The following DAB1 variants were observed in gnomAD, a reference collection of about 807,000 sequenced individuals.
The protein encoded by DAB1 is DAB adaptor protein 1, also known as disabled homolog 1.
Under a neutral mutation model 64.6 loss-of-function variants are expected in DAB1, and 15 were observed. The observed-to-expected ratio is 0.23, with a 90% CI of 0.16 to 0.36. The LOEUF (loss-of-function observed/expected upper bound fraction) is 0.36. Among genes scored for constraint, DAB1 ranks in the 10% least tolerant of loss-of-function variants. The pLI is 1.00. For missense variants in DAB1, 596 were observed against 706.7 expected, an observed-to-expected ratio of 0.84 and a Z score of 1.78; for synonymous variants, 235 against 251.9, an observed-to-expected ratio of 0.93 and a Z score of 0.64.
chr1:58,381,207 C>G (rs898813028), intron 3 of DAB1, among the ~76,000 whole-genome samples: 2 of 151,906 alleles, frequency 1.3e-5, no homozygotes, highest in East Asian at 3.9e-4. Context: ...GGCTTAATAC[C>G]CAGGTGATGG....
chr1:58,339,698 A>C (rs540925160), intron 4 of DAB1, among the ~76,000 whole-genome samples: 24 of 152,242 alleles, frequency 1.6e-4, no homozygotes, highest in African/African-American at 5.5e-4. Flanking sequence ...TATCTCAGTT[A>C]ATTTTAACCT....
At chr1:57,424,467 G>T (rs1190676543), upstream of DAB1, among the ~76,000 whole-genome samples, 1 of 152,134 alleles carries the variant, frequency 6.6e-6, no homozygotes, top group Non-Finnish European at 1.5e-5. Context: ...CGCCCCAGCC[G>T]CGCCAGCGTG....
intron 5 of DAB1, among the ~76,000 whole-genome samples, chr1:58,008,720 A>C (rs1646624360): frequency 1.3e-5 from 2 of 152,186 alleles, no homozygotes; most frequent in South Asian, 4.1e-4. Context: ...CACCTATGAA[A>C]GACTTAGAGA....
chr1:57,266,124 C>T (rs1039059866), intron 2 of DAB1, among the ~76,000 whole-genome samples: 4 of 152,232 alleles, frequency 2.6e-5, no homozygotes, highest in Non-Finnish European at 2.9e-5. Context: ...AGGGAAGAAC[C>T]GCACTGAGGG....
At chr1:57,743,234 A>G (rs148119515) in intron 6 of DAB1, among the ~76,000 whole-genome samples, 18,060 of 152,226 alleles carry the variant, frequency 0.12, 1,405 homozygotes, top group East Asian at 0.41. Context: ...AGAAGTAAAA[A>G]TAGCCTTAAC....
chr1:58,282,605 T>A (rs142072050), intron 4 of DAB1, among the ~76,000 whole-genome samples: 2 of 147,914 alleles, frequency 1.4e-5, no homozygotes. Context: ...GCCTTTGTTC[T>A]AAAAAAAAAA....
At chr1:57,347,265 A>G (rs991091598) in intron 1 of DAB1, among the ~76,000 whole-genome samples, 3 of 152,200 alleles carry the variant, frequency 2.0e-5, no homozygotes, top group African/African-American at 7.2e-5. Context: ...CTCATCTGCA[A>G]TCTTCAGCTT....
chr1:57,949,880 T>C (rs980170257), intron 5 of DAB1, among the ~76,000 whole-genome samples: 2 of 152,174 alleles, frequency 1.3e-5, no homozygotes, highest in African/African-American at 4.8e-5. Context: ...ACTGGGGTTG[T>C]CCCTTTTAAA....
In DAB1 at chr1:58,373,163, T is replaced by C. The variant is rs531858997; in HGVS notation, n.258-29760A>G. ...TTTCTAACCAAAGCATCCAGCTTACTATTTTCTTTTTTTTTTTTTTAATTA... is the reference window on the plus strand; with the variant it reads ...TTTCTAACCAAAGCATCCAGCTTACCATTTTCTTTTTTTTTTTTTTAATTA... On this transcript the variant is annotated intron_variant and non_coding_transcript_variant, in intron 3 of 20. Coordinates refer to the DAB1 transcript ENST00000485760. Among the ~76,000 whole-genome samples the C allele has an allele frequency of 1.5e-3, 218 of 148,800 alleles. 1 individual carries two copies. The highest frequency in any genetic ancestry group is 5.2e-3 in the African/African-American group (210 of 40,070).
At chr1:57,206,063 A>G (rs1665511545) in intron 2 of DAB1, among the ~76,000 whole-genome samples, 1 of 152,250 alleles carries the variant, frequency 6.6e-6, no homozygotes, top group Non-Finnish European at 1.5e-5. Context: ...GCCCTGCAAA[A>G]GTGCTTATAT....
At chr1:57,513,904 G>T (rs971725218) in intron 7 of DAB1, among the ~76,000 whole-genome samples, 67 of 149,478 alleles carry the variant, frequency 4.5e-4, no homozygotes, top group African/African-American at 1.7e-3. Context: ...GCTTCTAAAA[G>T]TTCCACTTTT....
At chr1:58,202,921 T>C (rs1254758393) in intron 4 of DAB1, among the ~76,000 whole-genome samples, 1 of 152,192 alleles carries the variant, frequency 6.6e-6, no homozygotes, top group African/African-American at 2.4e-5. Flanking sequence ...ACCAATTGCT[T>C]AGTGCCACAT....
chr1:57,995,824 GA>G (rs1024751136), intron 5 of DAB1, among the ~76,000 whole-genome samples: 49 of 141,734 alleles, frequency 3.5e-4, no homozygotes, highest in East Asian at 6.1e-4. Context: ...AGGTTTCTCA[GA>G]AAAAAAAAAA....
intron 7 of DAB1, among the ~76,000 whole-genome samples, chr1:57,638,072 TATAAAA>T (rs777138131): frequency 6.6e-6 from 1 of 152,118 alleles, no homozygotes; most frequent in Non-Finnish European, 1.5e-5. Context: ...TAAAATGAAA[TATAAAA>T]ATGCATAATG....
At chr1:57,591,491 A>G (rs1371321201) in intron 7 of DAB1, among the ~76,000 whole-genome samples, 1 of 152,204 alleles carries the variant, frequency 6.6e-6, no homozygotes, top group Non-Finnish European at 1.5e-5. Context: ...AGGGAAGTTG[A>G]CATTCTGACT....
chr1:57,607,893 G>A (rs1306594511), intron 7 of DAB1, among the ~76,000 whole-genome samples: 1 of 152,156 alleles, frequency 6.6e-6, no homozygotes. Context: ...GAGTGGAGTA[G>A]ATTCAGCTGA....
At chr1:57,708,507 G>A (rs1178550023) in intron 6 of DAB1, among the ~76,000 whole-genome samples, 2 of 152,216 alleles carry the variant, frequency 1.3e-5, no homozygotes, top group Admixed American at 6.5e-5. Flanking sequence ...CAAAGCAGCA[G>A]GGCTTGCCCT....
intron 5 of DAB1, chr1:58,049,033 CTG>C (rs989427585): frequency 3.1e-5 from 24 of 786,790 alleles, no homozygotes; most frequent in Non-Finnish European, 4.8e-5. Context: ...AGACAGCTCT[CTG>C]TTTCCACAAC....
intron 5 of DAB1, among the ~76,000 whole-genome samples, chr1:58,043,254 T>A (rs1308270145): frequency 6.6e-6 from 1 of 152,180 alleles, no homozygotes; most frequent in East Asian, 1.9e-4. Flanking sequence ...AATTTCTTTA[T>A]CAACATGAAA....
Sources: allele counts gnomAD v4.1 joint callset (sites outside exome capture counted in the v4.1 genomes callset), GRCh38; gene constraint gnomAD v4.1.1; transcripts MANE v1.5; gene names NCBI Gene and HGNC (gene_info 2026-07-23, HGNC 2026-07-21).